The following DSCAM variants were observed in gnomAD, a reference collection of about 807,000 sequenced individuals.
The protein encoded by DSCAM is DS cell adhesion molecule.
DSCAM carries 47 observed loss-of-function variants against 217.7 expected under a neutral mutation model. The observed-to-expected ratio is 0.22, with a 90% CI of 0.17 to 0.28. The LOEUF (loss-of-function observed/expected upper bound fraction) is 0.28. DSCAM is among the 10% of genes least tolerant of loss of function. The probability of loss-of-function intolerance (pLI) is 1.00; values close to 1 mark genes in which losing one functional copy is unlikely to be tolerated. For synonymous variants in DSCAM, 1,056 were observed against 1,015.3 expected, an observed-to-expected ratio of 1.04 and a Z score of -0.76; for missense variants, 2,080 against 2,618.3, an observed-to-expected ratio of 0.79 and a Z score of 4.49.
intron 3 of DSCAM, among the ~76,000 whole-genome samples, chr21:40,592,276 A>G (rs1161346174): frequency 6.6e-6 from 1 of 152,232 alleles, no homozygotes; most frequent in Non-Finnish European, 1.5e-5. Context: ...AGGTAACAGT[A>G]AGGATACTTC....
chr21:40,013,483 A>G (rs1300844236), intron 32 of DSCAM, 97 bp from the exon 33 acceptor site: 1 of 854,280 alleles, frequency 1.2e-6, no homozygotes, highest in Non-Finnish European at 1.7e-6. Context: ...GGCTTTAGAG[A>G]TGAGAATGCC....
intron 3 of DSCAM, among the ~76,000 whole-genome samples, chr21:40,391,430 T>G (rs2210269): frequency 0.68 from 103,217 of 152,136 alleles, 35,901 homozygotes; most frequent in African/African-American, 0.82. Context: ...ATTGAGAAGA[T>G]TAGAGAACCA....
chr21:40,559,294 T>C (rs929615706), intron 3 of DSCAM, among the ~76,000 whole-genome samples: 7 of 151,722 alleles, frequency 4.6e-5, no homozygotes, highest in African/African-American at 1.7e-4. Flanking sequence ...CCGTCTCTAC[T>C]AAAAATACAA....
chr21:40,759,130 C>A (rs2146579246), intron 1 of DSCAM, among the ~76,000 whole-genome samples: 1 of 152,202 alleles, frequency 6.6e-6, no homozygotes, highest in South Asian at 2.1e-4. Flanking sequence ...CTCCTCCCAG[C>A]CTGGGGCCTT....
At chr21:40,463,706 G>A (rs143206256) in intron 3 of DSCAM, among the ~76,000 whole-genome samples, 2 of 152,272 alleles carry the variant, frequency 1.3e-5, no homozygotes, top group East Asian at 1.9e-4. Context: ...TCCATGTGCA[G>A]GTCCAGACCC....
intron 16 of DSCAM, among the ~76,000 whole-genome samples, chr21:40,145,865 C>T (rs1016306848): frequency 2.0e-5 from 3 of 151,378 alleles, no homozygotes; most frequent in East Asian, 1.9e-4. Flanking sequence ...AAAAGATATG[C>T]GAATGCCACC....
chr21:40,809,382 G>A (rs2123534814), intron 1 of DSCAM, among the ~76,000 whole-genome samples: 1 of 152,322 alleles, frequency 6.6e-6, no homozygotes, highest in Non-Finnish European at 1.5e-5. Context: ...GGGATGGGAA[G>A]TGACTTCAAA....
chr21:40,132,463 C>T (rs1319683204), intron 19 of DSCAM, among the ~76,000 whole-genome samples: 1 of 152,222 alleles, frequency 6.6e-6, no homozygotes, highest in Non-Finnish European at 1.5e-5. Context: ...TTCCTAATGG[C>T]ATTACATTTG....
intron 3 of DSCAM, among the ~76,000 whole-genome samples, chr21:40,425,959 G>T (rs946459743): frequency 2.0e-5 from 3 of 152,148 alleles, no homozygotes; most frequent in Non-Finnish European, 4.4e-5. Flanking sequence ...CAGAATAAAG[G>T]ACAATGAAGC....
chr21:40,098,726 G>T (rs1176595999), intron 20 of DSCAM, among the ~76,000 whole-genome samples: 1 of 152,126 alleles, frequency 6.6e-6, no homozygotes, highest in Non-Finnish European at 1.5e-5. Context: ...AAAACATAAT[G>T]TCAGATAATT....
At chr21:40,694,412 C>T (rs556436829) in intron 2 of DSCAM, among the ~76,000 whole-genome samples, 2 of 152,272 alleles carry the variant, frequency 1.3e-5, no homozygotes, top group African/African-American at 4.8e-5. Flanking sequence ...AGGTGAATTT[C>T]TCAAGGGAAA....
intron 3 of DSCAM, among the ~76,000 whole-genome samples, chr21:40,472,502 T>C (rs2075897160): frequency 1.3e-5 from 2 of 151,054 alleles, no homozygotes; most frequent in Non-Finnish European, 1.5e-5. Context: ...CACATGCATC[T>C]TGTTGTATTG....
At chr21:40,070,211 A>T (rs1290791616) in intron 27 of DSCAM, among the ~76,000 whole-genome samples, 4 of 148,334 alleles carry the variant, frequency 2.7e-5, no homozygotes, top group African/African-American at 5.0e-5. Flanking sequence ...AGAGAGAGAA[A>T]AAAGGAGAGA....
At chr21:40,090,696 C>G (rs1045087365) in intron 21 of DSCAM, among the ~76,000 whole-genome samples, 1 of 152,182 alleles carries the variant, frequency 6.6e-6, no homozygotes, top group Non-Finnish European at 1.5e-5. Context: ...CATCTCTCCT[C>G]CATCTCTCAG....
intron 3 of DSCAM, among the ~76,000 whole-genome samples, chr21:40,550,581 G>A (rs1030430032): frequency 2.9e-4 from 44 of 152,172 alleles, no homozygotes; most frequent in Middle Eastern, 3.2e-3. Context: ...CCTTGCAATT[G>A]TCCCTTAGGA....
chr21:40,387,550 G>A (rs756352685), intron 3 of DSCAM, among the ~76,000 whole-genome samples: 9 of 152,108 alleles, frequency 5.9e-5, no homozygotes, highest in Non-Finnish European at 1.3e-4. Flanking sequence ...AAGGACATCT[G>A]GCAGAAGCAA....
At chr21:40,449,049 T>A (rs536162505) in intron 3 of DSCAM, among the ~76,000 whole-genome samples, 1 of 152,314 alleles carries the variant, frequency 6.6e-6, no homozygotes, top group African/African-American at 2.4e-5. Context: ...TGCCGAAATT[T>A]CTTGGCTTGT....
At chr21:40,299,179 G>A (rs1321140262) in intron 9 of DSCAM, among the ~76,000 whole-genome samples, 1 of 152,138 alleles carries the variant, frequency 6.6e-6, no homozygotes, top group East Asian at 1.9e-4. Flanking sequence ...ATAATTAATA[G>A]CTCAGATGTT....
chr21:40,294,808 A>T (rs2073935231), intron 10 of DSCAM, among the ~76,000 whole-genome samples: 1 of 152,230 alleles, frequency 6.6e-6, no homozygotes, highest in Non-Finnish European at 1.5e-5. Flanking sequence ...GGAAATAAAA[A>T]GTCATGGGGG....
Sources: gnomAD v4.1 joint callset for allele counts (sites outside exome capture counted in the v4.1 genomes callset) on GRCh38, gnomAD v4.1.1 for gene constraint, MANE v1.5 for transcripts, NCBI Gene and HGNC (gene_info 2026-07-23, HGNC 2026-07-21) for gene names.